The following GRM5 variants were observed in gnomAD, a reference collection of about 807,000 sequenced individuals.
GRM5 encodes the protein metabotropic glutamate receptor 5.
GRM5 carries 19 observed loss-of-function variants against 83.1 expected under a neutral mutation model. The ratio of observed to expected loss-of-function variants is 0.23; its 90% CI spans 0.16 to 0.34. The LOEUF is 0.34. Ranked by LOEUF, GRM5 falls within the 10% of genes least tolerant of loss-of-function variation. The probability of loss-of-function intolerance (pLI) is 1.00; values close to 1 mark genes in which losing one functional copy is unlikely to be tolerated. For missense variants in GRM5, 1,160 were observed against 1,588.3 expected (o/e 0.73, Z 4.58); for synonymous variants, 675 against 633.6 (o/e 1.07, Z -0.98).
At chr11:88,868,727 A>G (rs983555617) in intron 2 of GRM5, among the ~76,000 whole-genome samples, 6 of 151,788 alleles carry the variant, frequency 4.0e-5, no homozygotes, top group African/African-American at 1.4e-4. Flanking sequence ...TGCACTGAGT[A>G]TTCAGTAGTT....
intron 2 of GRM5, among the ~76,000 whole-genome samples, chr11:88,905,816 A>G (rs1408171779): frequency 6.6e-6 from 1 of 152,158 alleles, no homozygotes; most frequent in Admixed American, 6.6e-5. Flanking sequence ...TGAACAAAAT[A>G]AAAGTCTCTG....
intron 3 of GRM5, among the ~76,000 whole-genome samples, chr11:88,843,674 C>T (rs749265886): frequency 6.6e-6 from 1 of 152,128 alleles, no homozygotes; most frequent in Non-Finnish European, 1.5e-5. Flanking sequence ...AATGATTATA[C>T]TTAATGAGGA....
At chr11:88,855,812 A>G (rs185241806) in intron 2 of GRM5, among the ~76,000 whole-genome samples, 107 of 152,054 alleles carry the variant, frequency 7.0e-4, no homozygotes, top group Middle Eastern at 3.4e-3. Context: ...CCTTCTTTTC[A>G]AAACTGTGAG....
At chr11:88,799,324 G>T (rs779125771) in intron 3 of GRM5, among the ~76,000 whole-genome samples, 39 of 151,466 alleles carry the variant, frequency 2.6e-4, no homozygotes, top group Non-Finnish European at 5.0e-4. Context: ...GTTTAACATA[G>T]CAATTTATCA....
intron 3 of GRM5, among the ~76,000 whole-genome samples, chr11:88,737,159 A>G (rs373814226): frequency 2.6e-4 from 40 of 152,198 alleles, no homozygotes; most frequent in African/African-American, 8.2e-4. Flanking sequence ...CATGTCTTCA[A>G]TGAAGATGAT....
intron 4 of GRM5, among the ~76,000 whole-genome samples, chr11:88,646,141 A>G (rs1939438079): frequency 6.6e-6 from 1 of 152,152 alleles, no homozygotes; most frequent in Non-Finnish European, 1.5e-5. Flanking sequence ...TAGAAAAGAT[A>G]CAATAAATGA....
At chr11:88,617,907 A>T (rs1439993965) in intron 4 of GRM5, among the ~76,000 whole-genome samples, 1 of 152,138 alleles carries the variant, frequency 6.6e-6, no homozygotes, top group Non-Finnish European at 1.5e-5. Flanking sequence ...GGACAGGGAG[A>T]CAGTAGGGCA....
intron 3 of GRM5, among the ~76,000 whole-genome samples, chr11:88,729,653 G>A (rs971746369): frequency 2.6e-5 from 4 of 151,994 alleles, no homozygotes; most frequent in East Asian, 3.9e-4. Flanking sequence ...TAACCAAAAC[G>A]CATGGTACTG....
At chr11:88,770,688 A>T (rs1942716316) in intron 3 of GRM5, among the ~76,000 whole-genome samples, 1 of 152,130 alleles carries the variant, frequency 6.6e-6, no homozygotes, top group African/African-American at 2.4e-5. Context: ...ATTTTATCAC[A>T]TGAAAGGAGT....
At position 88,509,181 on chromosome 11, in the gene GRM5, C is replaced by T. The variant is rs754154722; in HGVS notation, c.3050G>A (p.Arg1017His). 2.0e-6 allele frequency: 3 copies of T among 1,534,122 alleles called. No individual in the cohort carries two copies. The highest frequency in any genetic ancestry group is 1.2e-5 in the South Asian group (1 of 83,084). Reference sequence around the variant, plus strand: ...CAGCGTGCTGATGGGCGACGGTGAGCGCGGCCGCGCGGGCGCCGGGAAGTG... The same window carrying T: ...CAGCGTGCTGATGGGCGACGGTGAGTGCGGCCGCGCGGGCGCCGGGAAGTG... ...EEHFPAPARPRSPSPISTLSH... is the reference protein window; with the variant it reads ...EEHFPAPARPHSPSPISTLSH... Residue 1017 changes from arginine to histidine, a missense_variant, in exon 10 of 10, where the codon CGC becomes CAC. By Grantham distance (29) the Arg-to-His change is conservative (BLOSUM62 0). This residue lies in a region of GRM5 where 562 missense variants were observed against 532.4 expected (regional missense o/e 1.06). Transcript: ENST00000305447.
rs200726889 is a variant in GRM5, at chr11:89,001,450, C to T, written c.661+45762G>A. 3.9e-5 allele frequency among the ~76,000 whole-genome samples: 6 copies of T among 151,944 alleles called. No homozygotes were observed. In the East Asian group the frequency reaches 9.6e-4, roughly 24 times the overall value. On this transcript the variant is annotated intron_variant, in intron 2 of 9. Coordinates refer to ENST00000305447, the MANE Select transcript of GRM5 (RefSeq NM_001143831.3). ...TAATGCTAAGTGAAAAAGCCAAACC[C>T]GGAAAGTCATATTTGTATAGTTCCA...
rs181288674 is a variant in GRM5 at position 88,688,547 on chromosome 11, C to A, written c.912-35144G>T. ...AATTTTAATAAGGCCTATTTGCTTT[C>A]TTAATTAAATATAGCCTAATGAAAA... On this transcript the variant is annotated intron_variant, in intron 3 of 9. Transcript: ENST00000305447. 8.5e-4 allele frequency among the ~76,000 whole-genome samples: 130 copies of A among 152,136 alleles called. No individual in the cohort carries two copies. In the Middle Eastern group the frequency reaches 0.014, roughly 16 times the overall value.
rs756243558 is a variant in GRM5 at position 89,047,697 on chromosome 11, G to A, written c.176C>T (p.Ala59Val). 1.3e-5 allele frequency: 21 copies of A among 1,614,002 alleles called. No homozygotes were observed. Among genetic ancestry groups the A allele is most frequent in the South Asian group, 3.3e-5 (3 of 91,072 alleles). ...VDKVHERKCG[A>V]VREQYGIQRV... The stretch of plus-strand genomic sequence containing the variant: ...CTGAATGCCATACTGTTCACGGACC[G>A]CCCCACACTTCCTCTCATGAACTTT... Residue 59 changes from alanine (A) to valine (V), a missense_variant, in exon 2 of 10, where the codon GCG (alanine) becomes GTG (valine). This residue lies in a region of GRM5 where 71 missense variants were observed against 145.8 expected (regional missense o/e 0.49). Transcript: ENST00000305447. The surrounding 1 kb of genome is among the most constrained non-coding windows in gnomAD (Gnocchi z 5.1).
At chr11:88,751,094 A>C (rs1472491175) in intron 3 of GRM5, among the ~76,000 whole-genome samples, 2 of 139,398 alleles carry the variant, frequency 1.4e-5, no homozygotes, top group African/African-American at 2.8e-5. Flanking sequence ...AAAAAAAAAA[A>C]ACAAAGAACA....
intron 2 of GRM5, among the ~76,000 whole-genome samples, chr11:89,035,437 C>A (rs1310782111): frequency 7.3e-5 from 11 of 151,624 alleles, no homozygotes; most frequent in South Asian, 2.1e-4. Flanking sequence ...AAATCCTAAC[C>A]CAAATCTAGT....
chr11:88,847,288 C>T (rs4753764), intron 3 of GRM5, among the ~76,000 whole-genome samples: 3 of 151,834 alleles, frequency 2.0e-5, no homozygotes, highest in Non-Finnish European at 4.4e-5. Flanking sequence ...ATCATAAGGG[C>T]AATAATTATT....
At chr11:88,547,422 G>A (rs1358184474) in intron 8 of GRM5, among the ~76,000 whole-genome samples, 1 of 152,122 alleles carries the variant, frequency 6.6e-6, no homozygotes, top group African/African-American at 2.4e-5. Context: ...ACCACAGATT[G>A]ACCTTAGGGA....
At chr11:88,667,889 T>C (rs1397339704) in intron 3 of GRM5, among the ~76,000 whole-genome samples, 1 of 146,890 alleles carries the variant, frequency 6.8e-6, no homozygotes, top group Admixed American at 6.9e-5. Context: ...GGAGACTCTA[T>C]CAAAAAAGAA....
At chr11:88,926,828 C>T (rs1035453946) in intron 2 of GRM5, among the ~76,000 whole-genome samples, 6 of 152,152 alleles carry the variant, frequency 3.9e-5, no homozygotes, top group African/African-American at 7.2e-5. Flanking sequence ...CCTAGAATGG[C>T]TCTTTACATC....
Sources: gnomAD v4.1 joint callset for allele counts (sites outside exome capture counted in the v4.1 genomes callset) on GRCh38, gnomAD v4.1.1 for gene constraint, gnomAD v4.1.1 regional missense constraint, Gnocchi (gnomAD v3.1) non-coding constraint, MANE v1.5 for transcripts, NCBI Gene and HGNC (gene_info 2026-07-23, HGNC 2026-07-21) for gene names.